The following CFTR variants were observed in gnomAD, a reference collection of about 807,000 sequenced individuals.
CFTR encodes CF transmembrane conductance regulator, also known as cystic fibrosis transmembrane conductance regulator.
Under a neutral mutation model 171.6 loss-of-function variants are expected in CFTR, and 181 were observed. The observed-to-expected ratio is 1.05, with a 90% CI of 0.93 to 1.19. The LOEUF (loss-of-function observed/expected upper bound fraction) is 1.19. CFTR is among the 50% of genes most tolerant of loss of function. The pLI, the probability that CFTR is intolerant of heterozygous loss-of-function variation, is 0.00. For missense variants in CFTR, 1,968 were observed against 1,734.7 expected, an observed-to-expected ratio of 1.13 and a Z score of -2.39; for synonymous variants, 583 against 608.0, an observed-to-expected ratio of 0.96 and a Z score of 0.60.
At chr7:117,481,458 T>A (rs1797999171) in intron 1 of CFTR, among the ~76,000 whole-genome samples, 1 of 152,182 alleles carries the variant, frequency 6.6e-6, no homozygotes, top group Admixed American at 6.5e-5. Flanking sequence ...TCATGGATAG[T>A]TCTAAATACT....
At chr7:117,632,733 A>G (rs974448454) in intron 22 of CFTR, among the ~76,000 whole-genome samples, 1 of 152,158 alleles carries the variant, frequency 6.6e-6, no homozygotes, top group Non-Finnish European at 1.5e-5. Flanking sequence ...AAGCAAGAGC[A>G]CTGCTCTGTG....
At position 117,656,392 on chromosome 7, in the gene CFTR, A is replaced by T. The variant is rs1793184127; in HGVS notation, c.3963+3461A>T. On this transcript the variant is annotated intron_variant, in intron 24 of 26. Transcript: ENST00000003084. ...TGCCTTTGGGTATGTGGCTGTGAGC[A>T]CTGCCGGGCAAAATGCCATATGACC... Among the ~76,000 whole-genome samples the T allele has an allele frequency of 2.0e-5, 3 of 152,338 alleles. No homozygotes were observed. The South Asian group carries it at 6.2e-4, about 32-fold the overall frequency.
At chr7:117,588,465 A>G (rs544832354) in intron 12 of CFTR, among the ~76,000 whole-genome samples, 1 of 152,228 alleles carries the variant, frequency 6.6e-6, no homozygotes, top group East Asian at 1.9e-4. Flanking sequence ...TTCAGTTTAA[A>G]CAATTATTGG....
rs36066143 is a variant in CFTR at position 117,497,716 on chromosome 7, T to A, written c.54-6537T>A. On this transcript the variant is annotated intron_variant, in intron 1 of 26. Coordinates refer to ENST00000003084, the MANE Select transcript of CFTR (RefSeq NM_000492.4). ...AAAGAAACCATGTGTGAGACAACCATGTTGAGAAAGAAAAAGTGATTTTAT... is the reference window on the plus strand; with the variant it reads ...AAAGAAACCATGTGTGAGACAACCAAGTTGAGAAAGAAAAAGTGATTTTAT... 1.5e-3 allele frequency among the ~76,000 whole-genome samples: 230 copies of A among 152,232 alleles called. 2 individuals carry two copies. Among genetic ancestry groups the A allele is most frequent in the South Asian group, 9.3e-3 (45 of 4,824 alleles).
intron 24 of CFTR, among the ~76,000 whole-genome samples, chr7:117,656,554 C>T (rs1793186578): frequency 6.6e-6 from 1 of 152,108 alleles, no homozygotes; most frequent in Admixed American, 6.5e-5. Flanking sequence ...GAGCATTATA[C>T]AGAGGAATTT....
intron 1 of CFTR, among the ~76,000 whole-genome samples, chr7:117,490,267 A>G (rs779556942): frequency 6.7e-6 from 1 of 148,748 alleles, no homozygotes; most frequent in Middle Eastern, 3.2e-3. Context: ...TTGAGTATTT[A>G]CTCTGCATAT....
At position 117,590,345 on chromosome 7, in the gene CFTR, C is replaced by A. The variant is rs1562907146; in HGVS notation, c.1680-8C>A. The A allele has an allele frequency of 6.2e-7, 1 of 1,601,002 alleles. No homozygotes were observed. The highest frequency in any genetic ancestry group is 1.3e-5 in the African/African-American group (1 of 74,614). On this transcript the variant is annotated splice_polypyrimidine_tract_variant and splice_region_variant and intron_variant, in intron 12 of 26. Coordinates refer to ENST00000003084, the MANE Select transcript of CFTR (RefSeq NM_000492.4). ...GGAAATGTAATTTAATTTCCATTTT[C>A]TTTTTAGAGCAGTATACAAAGATGC...
chr7:117,647,264 C>G (rs1182701077), intron 23 of CFTR: 1 of 151,826 alleles, frequency 6.6e-6, no homozygotes, highest in Non-Finnish European at 1.5e-5. Context: ...ACTACCATGC[C>G]CAGCTGTATT....
chr7:117,529,727 G>T (rs570560489), intron 3 of CFTR, among the ~76,000 whole-genome samples: 1 of 152,166 alleles, frequency 6.6e-6, no homozygotes, highest in South Asian at 2.1e-4. Context: ...GGGGCTGGAG[G>T]TATTGGATAC....
At chr7:117,555,053 A>G (rs941463861) in intron 10 of CFTR, among the ~76,000 whole-genome samples, 2 of 152,146 alleles carry the variant, frequency 1.3e-5, no homozygotes, top group Non-Finnish European at 2.9e-5. Context: ...ATTTTTTTTC[A>G]GTTAATACAT....
At chr7:117,532,601 C>T (rs367892323) in intron 4 of CFTR, among the ~76,000 whole-genome samples, 7 of 152,044 alleles carry the variant, frequency 4.6e-5, no homozygotes, top group South Asian at 2.1e-4. Flanking sequence ...ATGGGCTAAA[C>T]GGGTGTAGAG....
chr7:117,657,807 A>T (rs1301688261), intron 24 of CFTR, among the ~76,000 whole-genome samples: 1 of 152,202 alleles, frequency 6.6e-6, no homozygotes, highest in Non-Finnish European at 1.5e-5. Flanking sequence ...ATTCCCCATT[A>T]TCCCAAATGG....
chr7:117,643,539 C>T (rs1347241509), intron 23 of CFTR, among the ~76,000 whole-genome samples: 1 of 152,096 alleles, frequency 6.6e-6, no homozygotes, highest in East Asian at 1.9e-4. Flanking sequence ...TGTAACTGCT[C>T]AACTGGTGCT....
intron 1 of CFTR, among the ~76,000 whole-genome samples, chr7:117,486,951 G>C (rs1381404985): frequency 6.6e-6 from 1 of 151,474 alleles, no homozygotes; most frequent in East Asian, 1.9e-4. Context: ...AAATCAACTG[G>C]TTTGGTAATC....
chr7:117,487,352 A>G (rs1798091008), intron 1 of CFTR, among the ~76,000 whole-genome samples: 1 of 152,100 alleles, frequency 6.6e-6, no homozygotes. Flanking sequence ...TACTGGTTAA[A>G]TTCTACTTAG....
At chr7:117,501,786 A>AAAAAAAC (rs1798336052) in intron 1 of CFTR, among the ~76,000 whole-genome samples, 1 of 140,548 alleles carries the variant, frequency 7.1e-6, no homozygotes, top group Non-Finnish European at 1.5e-5. Context: ...CAAAAAAAAA[A>AAAAAAAC]AAAAAACAAA....
chr7:117,504,856 G>T (rs1197190674), intron 2 of CFTR, among the ~76,000 whole-genome samples: 3 of 151,054 alleles, frequency 2.0e-5, no homozygotes, highest in African/African-American at 7.3e-5. Flanking sequence ...AGTTTCCTAA[G>T]AAATGATTTT....
intron 3 of CFTR, among the ~76,000 whole-genome samples, chr7:117,511,653 C>A (rs1449541092): frequency 1.3e-5 from 2 of 152,168 alleles, no homozygotes; most frequent in African/African-American, 4.8e-5. Flanking sequence ...TTGGGAATGG[C>A]ACAAGTGTGA....
chr7:117,660,711 T>C (rs1458745610), intron 24 of CFTR, among the ~76,000 whole-genome samples: 2 of 151,708 alleles, frequency 1.3e-5, no homozygotes, highest in Admixed American at 6.6e-5. Context: ...CATATATATA[T>C]ACATATATAC....
Sources: allele counts gnomAD v4.1 joint callset (sites outside exome capture counted in the v4.1 genomes callset), GRCh38; gene constraint gnomAD v4.1.1; transcripts MANE v1.5; gene names NCBI Gene and HGNC (gene_info 2026-07-23, HGNC 2026-07-21).